PDE5A: variants seen among roughly 807,000 people sequenced by gnomAD.
PDE5A encodes the protein cGMP-specific 3',5'-cyclic phosphodiesterase.
Under a neutral mutation model 110.2 loss-of-function variants are expected in PDE5A, and 67 were observed. That is an observed-to-expected ratio of 0.61 (90% confidence interval 0.50 to 0.75). The LOEUF (loss-of-function observed/expected upper bound fraction) is 0.75. Ranked by LOEUF, PDE5A falls within the 30% of genes least tolerant of loss-of-function variation. The pLI is 0.00. For missense variants in PDE5A, 862 were observed against 1,045.1 expected (o/e 0.82, Z 2.42); for synonymous variants, 328 against 351.2 (o/e 0.93, Z 0.74).
intron 18 of PDE5A, among the ~76,000 whole-genome samples, chr4:119,503,363 T>C (rs962742863): frequency 2.6e-5 from 4 of 152,170 alleles, no homozygotes; most frequent in Non-Finnish European, 5.9e-5. Context: ...CAAAACATTA[T>C]AGCAGTTACT....
At chr4:119,599,434 A>C (rs188078852) in intron 2 of PDE5A, among the ~76,000 whole-genome samples, 1 of 152,294 alleles carries the variant, frequency 6.6e-6, no homozygotes, top group Non-Finnish European at 1.5e-5. Context: ...AGGGATTTAA[A>C]GAAAAATATA....
chr4:119,504,287 C>G (rs1301684961), intron 18 of PDE5A, among the ~76,000 whole-genome samples: 2 of 152,044 alleles, frequency 1.3e-5, no homozygotes, highest in East Asian at 3.9e-4. Context: ...TGACTTGATT[C>G]TTTTTATGCC....
At chr4:119,588,475 C>T (rs991904460) in intron 3 of PDE5A, among the ~76,000 whole-genome samples, 1 of 150,420 alleles carries the variant, frequency 6.6e-6, no homozygotes, top group African/African-American at 2.5e-5. Flanking sequence ...CCGCGCCTAG[C>T]CTACCTCTCC....
At chr4:119,552,961 A>G (rs192749666) in intron 8 of PDE5A, among the ~76,000 whole-genome samples, 66 of 152,228 alleles carry the variant, frequency 4.3e-4, no homozygotes, top group African/African-American at 1.4e-3. Context: ...AAATGCCCCA[A>G]ATAATTTAAC....
intron 3 of PDE5A, among the ~76,000 whole-genome samples, chr4:119,569,125 C>T (rs1259120886): frequency 2.0e-5 from 3 of 151,070 alleles, no homozygotes; most frequent in African/African-American, 4.9e-5. Context: ...GCTTGATCTT[C>T]GAGGCTGAGG....
chr4:119,517,116 G>T (rs1725936740), intron 14 of PDE5A: 1 of 152,128 alleles, frequency 6.6e-6, no homozygotes, highest in East Asian at 1.9e-4. Context: ...GTAATTTCAG[G>T]GTAATTTTCT....
At chr4:119,595,924 T>G (rs1729136930) in intron 3 of PDE5A, among the ~76,000 whole-genome samples, 1 of 152,192 alleles carries the variant, frequency 6.6e-6, no homozygotes, top group African/African-American at 2.4e-5. Context: ...TTGAGAATGC[T>G]CAATTGAAAT....
At chr4:119,553,096 A>G (rs910823188) in intron 8 of PDE5A, among the ~76,000 whole-genome samples, 1 of 152,074 alleles carries the variant, frequency 6.6e-6, no homozygotes, top group African/African-American at 2.4e-5. Context: ...ACACCCAAAT[A>G]ACAAAATCAT....
intron 3 of PDE5A, among the ~76,000 whole-genome samples, chr4:119,580,968 C>A (rs1450959326): frequency 1.3e-5 from 2 of 152,220 alleles, no homozygotes; most frequent in African/African-American, 4.8e-5. Context: ...AGGGTGGTAT[C>A]CTGCCTGACG....
chr4:119,568,142 C>CTTT lies in PDE5A; in HGVS notation c.832-1001_832-999dup, dbSNP rs143090270. ...TCTTAACATTTTTCTCTCTCTCTCT[C>CTTT]TTTTTTTTTTGCCCATATGGTAAAG... On this transcript the variant is annotated intron_variant, in intron 3 of 20. Coordinates refer to ENST00000354960, the MANE Select transcript of PDE5A (RefSeq NM_001083.4). Among the ~76,000 whole-genome samples, 1,052 of 147,580 alleles carry CTTT rather than the reference C, an allele frequency of 7.1e-3. 12 individuals are homozygous for CTTT. The highest frequency in any genetic ancestry group is 0.024 in the African/African-American group (990 of 40,476).
At chr4:119,531,587 G>A (rs967017570) in intron 11 of PDE5A, among the ~76,000 whole-genome samples, 1 of 152,034 alleles carries the variant, frequency 6.6e-6, no homozygotes, top group Non-Finnish European at 1.5e-5. Context: ...AAAAAAATGA[G>A]TGTATAATTT....
At chr4:119,596,150 A>G (rs1729143077) in intron 3 of PDE5A, among the ~76,000 whole-genome samples, 1 of 152,128 alleles carries the variant, frequency 6.6e-6, no homozygotes, top group African/African-American at 2.4e-5. Flanking sequence ...GAAATCCGTT[A>G]ATGACCACTG....
chr4:119,607,887 G>A (rs2110550294), intron 1 of PDE5A, among the ~76,000 whole-genome samples: 1 of 152,172 alleles, frequency 6.6e-6, no homozygotes, highest in African/African-American at 2.4e-5. Context: ...CTCAAAATTA[G>A]CTTATATTAA....
chr4:119,598,907 T>C (rs781136014), intron 2 of PDE5A, among the ~76,000 whole-genome samples: 3 of 152,232 alleles, frequency 2.0e-5, no homozygotes, highest in African/African-American at 2.4e-5. Flanking sequence ...ACTTTGGGCA[T>C]GTATAGGGCA....
intron 3 of PDE5A, among the ~76,000 whole-genome samples, chr4:119,576,103 A>G (rs1728332646): frequency 6.6e-6 from 1 of 151,848 alleles, no homozygotes; most frequent in African/African-American, 2.4e-5. Context: ...CCATTACATA[A>G]TGGTAAAGGG....
chr4:119,564,304 G>A (rs1727848345), intron 5 of PDE5A, among the ~76,000 whole-genome samples: 2 of 152,008 alleles, frequency 1.3e-5, no homozygotes, highest in African/African-American at 4.8e-5. Context: ...AGCCAAAGTG[G>A]CAGGATGCTA....
At chr4:119,563,625 A>G (rs1727821436) in intron 5 of PDE5A, among the ~76,000 whole-genome samples, 1 of 152,176 alleles carries the variant, frequency 6.6e-6, no homozygotes, top group African/African-American at 2.4e-5. Context: ...ATTCAGAGAA[A>G]GTGGTATACT....
intron 2 of PDE5A, among the ~76,000 whole-genome samples, chr4:119,599,952 ACT>A (rs1038400543): frequency 6.6e-6 from 1 of 151,884 alleles, no homozygotes; most frequent in Non-Finnish European, 1.5e-5. Flanking sequence ...AAATGAGAAA[ACT>A]CTTTTTTAAA....
At chr4:119,516,833 C>T (rs978116485) in intron 14 of PDE5A, among the ~76,000 whole-genome samples, 3 of 152,170 alleles carry the variant, frequency 2.0e-5, no homozygotes, top group Admixed American at 6.5e-5. Flanking sequence ...ATTGGCCAGC[C>T]TGGTCTCGAA....
Sources: allele counts gnomAD v4.1 joint callset (sites outside exome capture counted in the v4.1 genomes callset), GRCh38; gene constraint gnomAD v4.1.1; transcripts MANE v1.5; gene names NCBI Gene and HGNC (gene_info 2026-07-23, HGNC 2026-07-21).